The following ABCC6 variants were observed in gnomAD, a reference collection of about 807,000 sequenced individuals.
The protein encoded by ABCC6 is ATP-binding cassette sub-family C member 6.
In ABCC6, 126 loss-of-function variants were observed where a neutral mutation model predicts 169.5. That is an observed-to-expected ratio of 0.74 (90% CI 0.64 to 0.86). The LOEUF (loss-of-function observed/expected upper bound fraction) is 0.86. ABCC6 is among the 40% of genes least tolerant of loss of function. The pLI, the probability that ABCC6 is intolerant of heterozygous loss-of-function variation, is 0.00. For missense variants in ABCC6, 1,733 were observed against 1,927.2 expected (o/e 0.90, Z 1.89); for synonymous variants, 752 against 814.7 (o/e 0.92, Z 1.31).
Position 16,188,918 on chromosome 16 carries a change from T to G in ABCC6, c.1692A>C (p.Ala564=). Reference sequence around the variant, plus strand: ...CTGTGAGAGTCACAAAGGCTTTCTCTGCATTCATAGCATTCTCGGCCACCA... The same window carrying G: ...CTGTGAGAGTCACAAAGGCTTTCTCGGCATTCATAGCATTCTCGGCCACCA... ...HTLVAENAMN[A]EKAFVTLTVL... The change falls in exon 13 of 31, where the codon GCA becomes GCC. Residue 564 remains alanine, a synonymous_variant. Transcript: ENST00000205557. The G allele has an allele frequency of 6.2e-7, 1 of 1,614,118 alleles. No homozygotes were observed. Among genetic ancestry groups the G allele is most frequent in the South Asian group, 1.1e-5 (1 of 91,082 alleles).
In ABCC6 at chr16:16,165,639, A is replaced by G. The variant is rs1194619157; in HGVS notation, c.3290T>C (p.Leu1097Pro). Reference protein sequence around the residue: ...ATVAILPLFLLYAGFQSLYVV... With the variant: ...ATVAILPLFLPYAGFQSLYVV... ...TCTCCGTACCTGAAACCCAGCGTAGAGGAGAAACAGTGGCAGGATGGCCAC... is the reference window on the plus strand; with the variant it reads ...TCTCCGTACCTGAAACCCAGCGTAGGGGAGAAACAGTGGCAGGATGGCCAC... Residue 1097 changes from leucine to proline, a missense_variant, in exon 23 of 31, where the codon CTC becomes CCC. Physicochemically the swap from Leu to Pro is moderately conservative, Grantham distance 98. Transcript: ENST00000205557. 2 of 1,613,194 alleles carry G rather than the reference A, an allele frequency of 1.2e-6. No homozygotes were observed. Among genetic ancestry groups the G allele is most frequent in the East Asian group, 4.5e-5 (2 of 44,864 alleles).
At chr16:16,197,573 GGAA>G (rs768480496) in intron 10 of ABCC6, among the ~76,000 whole-genome samples, 13 of 149,856 alleles carry the variant, frequency 8.7e-5, no homozygotes, top group African/African-American at 3.0e-4. Context: ...GGAGCAGAAA[GGAA>G]GAAGAAGGTG....
Position 16,178,932 on chromosome 16 carries a change from G to A in ABCC6, c.2281C>T (p.Leu761=), listed in dbSNP as rs1339475719. The change falls in exon 18 of 31, where the codon CTG becomes TTG. Residue 761 remains leucine, a synonymous_variant. Coordinates refer to ENST00000205557, the MANE Select transcript of ABCC6 (RefSeq NM_001171.6). ...MNLSGGQKQR[L]SLARAVYRKA... Reference sequence around the variant, plus strand: ...CTGTATACAGCCCGGGCCAGGCTCAGCCGCTGCTTCTGGCCTCCGGAGAGA... The same window carrying A: ...CTGTATACAGCCCGGGCCAGGCTCAACCGCTGCTTCTGGCCTCCGGAGAGA... 1 of 1,613,370 alleles carries A rather than the reference G, an allele frequency of 6.2e-7. No individual in the cohort carries two copies. Among genetic ancestry groups the A allele is most frequent in the Non-Finnish European group, 8.5e-7 (1 of 1,180,020 alleles).
At chr16:16,183,169 A>G (rs923847951) in intron 15 of ABCC6, among the ~76,000 whole-genome samples, 7 of 152,196 alleles carry the variant, frequency 4.6e-5, no homozygotes, top group Non-Finnish European at 1.0e-4. Context: ...CACTCATACA[A>G]GCATGCTAGC....
intron 20 of ABCC6, among the ~76,000 whole-genome samples, chr16:16,174,760 A>ACCCCCCCCCCC (rs386789398): frequency 8.4e-5 from 8 of 94,686 alleles, no homozygotes; most frequent in South Asian, 6.3e-4. Flanking sequence ...CTGTCTCAAA[A>ACCCCCCCCCCC]CCCCCCCCCG....
rs2046764292 is a variant in ABCC6, at chr16:16,162,901, G to T, written c.3506+92C>A. On this transcript the variant is annotated intron_variant, in intron 24 of 30. Transcript: ENST00000205557. ...CCTCAACTATGTCCCTGACTCTCTGGGTGACCTCTCTACCATACAATATGA... is the reference window on the plus strand; with the variant it reads ...CCTCAACTATGTCCCTGACTCTCTGTGTGACCTCTCTACCATACAATATGA... 4 of 1,530,006 alleles carry T rather than the reference G, an allele frequency of 2.6e-6. No individual in the cohort carries two copies. The African/African-American group carries it at 4.1e-5, about 16-fold the overall frequency. The allele number at this position is 1,530,006 out of a possible 1,614,324, so 94.8% of individuals were successfully genotyped here.
chr16:16,173,420 A>G lies in ABCC6; in HGVS notation c.2667-16T>C. 1 of 1,614,026 alleles carries G rather than the reference A, an allele frequency of 6.2e-7. No homozygotes were observed. Among genetic ancestry groups the G allele is most frequent in the South Asian group, 1.1e-5 (1 of 91,082 alleles). The stretch of plus-strand genomic sequence containing the variant: ...CTTGATGGACCTGTCATTTAGAGGA[A>G]ATGAAGACAAAGTCAGTATCTCTCC... On this transcript the variant is annotated splice_polypyrimidine_tract_variant and intron_variant, in intron 20 of 30. Coordinates refer to ENST00000205557, the MANE Select transcript of ABCC6 (RefSeq NM_001171.6).
At chr16:16,176,042 C>G (rs1208202999) in intron 19 of ABCC6, 56 bp from the exon 20 acceptor site, 1 of 1,542,446 alleles carries the variant, frequency 6.5e-7, no homozygotes, top group African/African-American at 1.4e-5. Context: ...CACTTTGACA[C>G]CCACTGACTA....
intron 22 of ABCC6, among the ~76,000 whole-genome samples, chr16:16,167,959 ACT>A (rs1416334868): frequency 6.6e-6 from 1 of 152,056 alleles, no homozygotes; most frequent in Non-Finnish European, 1.5e-5. Flanking sequence ...GGCTCGGCTG[ACT>A]CTGAGAATCC....
rs1398772473 is a variant in ABCC6 at position 16,214,439 on chromosome 16, C to T, written c.485G>A (p.Ser162Asn). 3.2e-6 allele frequency: 5 copies of T among 1,551,366 alleles called. No individual in the cohort carries two copies. Among genetic ancestry groups the T allele is most frequent in the South Asian group, 1.2e-5 (1 of 84,018 alleles). Reference protein sequence around the residue: ...AQQASGAGFQSDPVRHLSTYL... With the variant: ...AQQASGAGFQNDPVRHLSTYL... The stretch of plus-strand genomic sequence containing the variant: ...GGTGGACAGGTGGCGGACAGGGTCG[C>T]TCTGGAAGCCCTGTGGGAGGGAAAG... Residue 162 changes from serine (S) to asparagine (N), a missense_variant, in exon 5 of 31, where the codon AGC (serine) becomes AAC (asparagine). This residue lies in a region of ABCC6 where 49 missense variants were observed against 85.8 expected (regional missense o/e 0.57). Transcript: ENST00000205557.
Position 16,159,492 on chromosome 16 carries a change from G to C in ABCC6, c.3725C>G (p.Thr1242Arg). Residue 1242 changes from threonine to arginine, a missense_variant, in exon 26 of 31, where the codon ACG becomes AGG. Around this residue, in one of 5 missense-constraint regions of ABCC6, gnomAD observed 1,601 missense variants for 1,635.5 expected, o/e 0.98. Coordinates refer to ENST00000205557, the MANE Select transcript of ABCC6 (RefSeq NM_001171.6). The part of the protein sequence containing the change: ...SVERMQDYAW[T>R]PKEAPWRLPT... ...CCTCCCGCCCATCACCTCCTTGGGC[G>C]TCCAGGCATAGTCCTGCATCCGCTC... The C allele has an allele frequency of 6.2e-7, 1 of 1,613,708 alleles. No homozygotes were observed. The highest frequency in any genetic ancestry group is 1.1e-5 in the South Asian group (1 of 91,068).
At position 16,165,866 on chromosome 16, in the gene ABCC6, G is replaced by A. The variant is rs755895436; in HGVS notation, c.3063C>T (p.Phe1021=). The change falls in exon 23 of 31, where the codon TTC becomes TTT. Residue 1021 remains phenylalanine (F), a synonymous_variant. Transcript: ENST00000205557. ...GCACCACATCCCACAGGAGCCTCTG[G>A]AAGAGCAACCTGGATGCCCGGGCCC... ...LGGARASRLL[F]QRLLWDVVRS... 1.2e-6 allele frequency: 2 copies of A among 1,613,244 alleles called. No individual in the cohort carries two copies. The highest frequency in any genetic ancestry group is 3.3e-5 in the Admixed American group (2 of 60,012).
chr16:16,189,280 A>G (rs2047760454), intron 12 of ABCC6, among the ~76,000 whole-genome samples: 1 of 152,232 alleles, frequency 6.6e-6, no homozygotes, highest in Non-Finnish European at 1.5e-5. Flanking sequence ...ATCGGGGGAC[A>G]GCAGAGTTTT....
intron 13 of ABCC6, 151 bp from the exon 14 acceptor site, chr16:16,187,362 A>G: frequency 1.4e-6 from 1 of 709,812 alleles, no homozygotes; most frequent in Non-Finnish European, 2.5e-6. Context: ...GTTCATGGGA[A>G]ACGATGCAAC....
At chr16:16,194,532 TG>T (rs1567518462) in intron 10 of ABCC6, among the ~76,000 whole-genome samples, 2 of 152,112 alleles carry the variant, frequency 1.3e-5, no homozygotes, top group Admixed American at 6.6e-5. Flanking sequence ...AATGTGGAAG[TG>T]GGGGGTAGAA....
At chr16:16,181,344 GAAAAAAA>G (rs749040729) in intron 17 of ABCC6, among the ~76,000 whole-genome samples, 20,074 of 77,586 alleles carry the variant, frequency 0.26, 1,548 homozygotes, top group Non-Finnish European at 0.3. Flanking sequence ...CTCCGTCTCA[GAAAAAAA>G]AAAAAAAAAA....
At chr16:16,205,414 A>G (rs1304916914) in intron 7 of ABCC6, among the ~76,000 whole-genome samples, 1 of 152,160 alleles carries the variant, frequency 6.6e-6, no homozygotes, top group Non-Finnish European at 1.5e-5. Flanking sequence ...ACCTCACCAT[A>G]ATAAAATAAT....
At chr16:16,166,902 A>AAAAC (rs34925354) in intron 22 of ABCC6, among the ~76,000 whole-genome samples, 109,066 of 150,808 alleles carry the variant, frequency 0.72, 42,075 homozygotes, top group South Asian at 0.9. Flanking sequence ...CGTCTCAGAA[A>AAAAC]AAACAAACAA....
chr16:16,213,706 G>A (rs1246436540), intron 5 of ABCC6, among the ~76,000 whole-genome samples: 1 of 149,300 alleles, frequency 6.7e-6, no homozygotes, highest in Admixed American at 6.7e-5. Context: ...GATTACAGGC[G>A]TGCACCACCA....
Sources: gnomAD v4.1 joint callset for allele counts (sites outside exome capture counted in the v4.1 genomes callset) on GRCh38, gnomAD v4.1.1 for gene constraint, gnomAD v4.1.1 regional missense constraint, MANE v1.5 for transcripts, NCBI Gene and HGNC (gene_info 2026-07-23, HGNC 2026-07-21) for gene names.